PCDHGB7: variants seen among roughly 807,000 people sequenced by gnomAD.
PCDHGB7 encodes the protein protocadherin gamma-B7.
In PCDHGB7, 37 loss-of-function variants were observed where a neutral mutation model predicts 61.4. The observed-to-expected ratio is 0.60, with a 90% confidence interval of 0.46 to 0.79. The LOEUF is 0.79. Ranked by LOEUF, PCDHGB7 falls within the 30% of genes least tolerant of loss-of-function variation. The pLI, the probability that PCDHGB7 is intolerant of heterozygous loss-of-function variation, is 0.00. For missense variants in PCDHGB7, 1,166 were observed against 1,202.5 expected (o/e 0.97, Z 0.45); for synonymous variants, 464 against 503.5 (o/e 0.92, Z 1.05).
chr5:141,507,862 G>T (rs17286954), intron 3 of PCDHGB7, among the ~76,000 whole-genome samples: 20,426 of 152,154 alleles, frequency 0.13, 1,374 homozygotes, highest in Admixed American at 0.16. Context: ...TTTCACACCC[G>T]CTTCCTAGCC....
rs115237553 is a variant in PCDHGB7, at chr5:141,476,478, T to A, written c.2416-18329T>A. 1.3e-4 allele frequency: 203 copies of A among 1,613,844 alleles called. 2 individuals are homozygous for A. The African/African-American group carries it at 2.5e-3, about 20-fold the overall frequency. Reference sequence around the variant, plus strand: ...GAGAACCCGCTGGAGCTGTTCAGCGTGGAAGTGGTGATCCAGGACATCAAC... The same window carrying A: ...GAGAACCCGCTGGAGCTGTTCAGCGAGGAAGTGGTGATCCAGGACATCAAC... On this transcript the variant is annotated intron_variant, in intron 1 of 3. Transcript: ENST00000398594. The surrounding 1 kb of genome is among the most constrained non-coding windows in gnomAD (Gnocchi z 7.6).
At position 141,417,791 on chromosome 5, in the gene PCDHGB7, C is replaced by T; in HGVS notation, c.-69C>T. The T allele has an allele frequency of 6.7e-7, 1 of 1,482,658 alleles. No homozygotes were observed. Among genetic ancestry groups the T allele is most frequent in the Non-Finnish European group, 9.0e-7 (1 of 1,114,674 alleles). 91.8% of individuals were successfully genotyped at this position (1,482,658 alleles called of 1,614,324 possible). ...CTCCTCCTGTCCTGGGCCGAATGCT[C>T]TTTTAGCGCGGTAGAGTGCACTTTC... On this transcript the variant is annotated 5_prime_UTR_variant, in exon 1 of 4. Coordinates refer to ENST00000398594, the MANE Select transcript of PCDHGB7 (RefSeq NM_018927.4).
intron 1 of PCDHGB7, among the ~76,000 whole-genome samples, chr5:141,466,554 G>A (rs2099125028): frequency 6.6e-6 from 1 of 152,068 alleles, no homozygotes. Flanking sequence ...TTTGCTGTGG[G>A]CTTCATCTTC....
At chr5:141,460,817 A>G (rs527681610) in intron 1 of PCDHGB7, among the ~76,000 whole-genome samples, 3 of 152,126 alleles carry the variant, frequency 2.0e-5, no homozygotes, top group South Asian at 2.1e-4. Context: ...ATGTATACAT[A>G]TATACACACT....
chr5:141,421,593 G>A lies in PCDHGB7; in HGVS notation c.2415+1319G>A, dbSNP rs780085355. ...CCTTGAAGATTTACGGAGTGGAGGTGGAAATAATAGATATTAATGATAACG... is the reference window on the plus strand; with the variant it reads ...CCTTGAAGATTTACGGAGTGGAGGTAGAAATAATAGATATTAATGATAACG... On this transcript the variant is annotated intron_variant, in intron 1 of 3. Coordinates refer to ENST00000398594, the MANE Select transcript of PCDHGB7 (RefSeq NM_018927.4). 6 of 1,613,840 alleles carry A rather than the reference G, an allele frequency of 3.7e-6. No individual in the cohort carries two copies. In the East Asian group the frequency reaches 1.1e-4, roughly 30 times the overall value.
intron 1 of PCDHGB7, among the ~76,000 whole-genome samples, chr5:141,420,737 A>G (rs1156969170): frequency 1.3e-5 from 2 of 152,244 alleles, no homozygotes; most frequent in Non-Finnish European, 2.9e-5. Flanking sequence ...GTTAAAATCA[A>G]TTGGAACCAA....
chr5:141,481,208 A>G lies in PCDHGB7; in HGVS notation c.2416-13599A>G, dbSNP rs116577118. On this transcript the variant is annotated intron_variant, in intron 1 of 3. Coordinates refer to ENST00000398594, the MANE Select transcript of PCDHGB7 (RefSeq NM_018927.4). ...GCCAGGCCCAATTTTTTTAAAAAACATGGTAAGGTCTCCCAGCCTTAAAGT... is the reference window on the plus strand; with the variant it reads ...GCCAGGCCCAATTTTTTTAAAAAACGTGGTAAGGTCTCCCAGCCTTAAAGT... 3.5e-3 allele frequency among the ~76,000 whole-genome samples: 528 copies of G among 152,350 alleles called. 2 individuals carry two copies. Among genetic ancestry groups the G allele is most frequent in the African/African-American group, 0.012 (490 of 41,572 alleles).
intron 1 of PCDHGB7, chr5:141,441,665 A>ACAGTG (rs936537442): frequency 7.5e-6 from 2 of 265,720 alleles, no homozygotes; most frequent in African/African-American, 4.7e-5. Flanking sequence ...CCTTGAGCGC[A>ACAGTG]CAGTGCGCCT....
intron 1 of PCDHGB7, chr5:141,422,204 GAGGTCTCTTTACCA>G: frequency 6.4e-7 from 1 of 1,562,138 alleles, no homozygotes. Flanking sequence ...CAAGATGGTG[GAGGTCTCTTTACCA>G]CCACGACGAT....
rs189734474 is a variant in PCDHGB7, at chr5:141,512,858, G to T, written c.*1685G>T. 1 of 152,296 alleles carries T rather than the reference G, an allele frequency of 6.6e-6. No individual in the cohort carries two copies. The highest frequency in any genetic ancestry group is 1.9e-4 in the East Asian group (1 of 5,182). 9.4% of individuals were successfully genotyped at this position (152,296 alleles called of 1,614,324 possible). ...ACTTCTCCTATAAGCGCTTCTCTTC[G>T]CATAGTCACGTAGCTCCCACCCCAC... On this transcript the variant is annotated 3_prime_UTR_variant, in exon 4 of 4. Coordinates refer to ENST00000398594, the MANE Select transcript of PCDHGB7 (RefSeq NM_018927.4).
Position 141,477,932 on chromosome 5 carries a change from C to T in PCDHGB7, c.2416-16875C>T. 1 of 1,614,158 alleles carries T rather than the reference C, an allele frequency of 6.2e-7. No homozygotes were observed. The highest frequency in any genetic ancestry group is 8.5e-7 in the Non-Finnish European group (1 of 1,180,034). ...CGCGGATGCAGGGCACAATGCCTGGCTCTCCTACAGTCTCTTGGGATCCCC... is the reference window on the plus strand; with the variant it reads ...CGCGGATGCAGGGCACAATGCCTGGTTCTCCTACAGTCTCTTGGGATCCCC... On this transcript the variant is annotated intron_variant, in intron 1 of 3. Coordinates refer to ENST00000398594, the MANE Select transcript of PCDHGB7 (RefSeq NM_018927.4). This position sits in a 1 kb window ranked among gnomAD's most constrained non-coding sequence, Gnocchi z 4.9.
rs778372966 is a variant in PCDHGB7, at chr5:141,477,105, A to G, written c.2416-17702A>G. The G allele has an allele frequency of 7.4e-6, 12 of 1,614,106 alleles. No individual in the cohort carries two copies. The highest frequency in any genetic ancestry group is 4.0e-5 in the African/African-American group (3 of 74,934). On this transcript the variant is annotated intron_variant, in intron 1 of 3. Transcript: ENST00000398594. This position sits in a 1 kb window ranked among gnomAD's most constrained non-coding sequence, Gnocchi z 4.9. ...ATCCAGGCCAAAGACAAGGGCGCCA[A>G]TCCCGAAGGAGCACATTGCAAAGTG...
intron 1 of PCDHGB7, chr5:141,479,247 C>A (rs1428944159): frequency 6.6e-6 from 1 of 152,084 alleles, no homozygotes; most frequent in Non-Finnish European, 1.5e-5. Flanking sequence ...CAAAGATAAC[C>A]ATTTTTAATT....
At chr5:141,488,260 G>A (rs1297588710) in intron 1 of PCDHGB7, among the ~76,000 whole-genome samples, 2 of 152,182 alleles carry the variant, frequency 1.3e-5, no homozygotes, top group Non-Finnish European at 1.5e-5. Context: ...AGGTTGGGGC[G>A]GGTTGGTCAT....
chr5:141,441,861 C>T (rs3805696), intron 1 of PCDHGB7: 35,405 of 342,650 alleles, frequency 0.1, 2,215 homozygotes, highest in African/African-American at 0.17. Context: ...TGCTGCACGC[C>T]GCGGAGCCTG....
rs1385008648 is a variant in PCDHGB7 at position 141,418,015 on chromosome 5, G to T, written c.156G>T (p.Lys52Asn). 1 of 1,613,964 alleles carries T rather than the reference G, an allele frequency of 6.2e-7. No homozygotes were observed. The highest frequency in any genetic ancestry group is 8.5e-7 in the Non-Finnish European group (1 of 1,179,818). Reference sequence around the variant, plus strand: ...GCTCGGTGGTGGGGAACCTCGCTAAGGATCTAGGGCTTAGTGTCCTGGATG... The same window carrying T: ...GCTCGGTGGTGGGGAACCTCGCTAATGATCTAGGGCTTAGTGTCCTGGATG... ...AKGSVVGNLA[K>N]DLGLSVLDVS... is the part of the protein sequence containing the mutation. Residue 52 changes from lysine to asparagine, a missense_variant, in exon 1 of 4, where the codon AAG (lysine) becomes AAT (asparagine). Transcript: ENST00000398594.
chr5:141,474,289 T>C (rs11956411), intron 1 of PCDHGB7, among the ~76,000 whole-genome samples: 31,178 of 152,120 alleles, frequency 0.2, 3,304 homozygotes, highest in Admixed American at 0.31. Context: ...ACCCACTAGA[T>C]CAGTGCTTGT....
Position 141,419,325 on chromosome 5 carries a change from A to C in PCDHGB7, c.1466A>C (p.Tyr489Ser). Residue 489 changes from tyrosine to serine, a missense_variant, in exon 1 of 4, where the codon TAC becomes TCC. Physicochemically the swap from Tyr to Ser is moderately radical, Grantham distance 144. Transcript: ENST00000398594. ...TTCGGGCTCAACGGCCGTGTCTCCT[A>C]CTCTCTCATTGCCAGCGACCTGGAG... ...PDFGLNGRVS[Y>S]SLIASDLESR... 6.2e-7 allele frequency: 1 copy of C among 1,613,702 alleles called. No homozygotes were observed. Among genetic ancestry groups the C allele is most frequent in the African/African-American group, 1.3e-5 (1 of 74,968 alleles).
Position 141,501,330 on chromosome 5 carries a change from CA to C in PCDHGB7, c.2475-4062del, listed in dbSNP as rs1562200936. 1.8e-3 allele frequency among the ~76,000 whole-genome samples: 266 copies of C among 151,500 alleles called. 1 individual carries two copies. Among genetic ancestry groups the C allele is most frequent in the African/African-American group, 5.1e-3 (210 of 41,250 alleles). On this transcript the variant is annotated intron_variant, in intron 2 of 3. Transcript: ENST00000398594. ...ACACACACACACACACACACACACACACACCCCAAACTCAATAGGGCAAGAA... is the reference window on the plus strand; with the variant it reads ...ACACACACACACACACACACACACACCACCCCAAACTCAATAGGGCAAGAA...
Sources: gnomAD v4.1 joint callset for allele counts (sites outside exome capture counted in the v4.1 genomes callset) on GRCh38, gnomAD v4.1.1 for gene constraint, Gnocchi (gnomAD v3.1) non-coding constraint, MANE v1.5 for transcripts, NCBI Gene and HGNC (gene_info 2026-07-23, HGNC 2026-07-21) for gene names.